ANOS1: variants seen among roughly 807,000 people sequenced by gnomAD.
ANOS1 encodes the protein anosmin 1, also known as anosmin-1.
Under a neutral mutation model 59.0 loss-of-function variants are expected in ANOS1, and 6 were observed. The ratio of observed to expected loss-of-function variants is 0.10; its 90% CI spans 0.06 to 0.20. The LOEUF (loss-of-function observed/expected upper bound fraction) is 0.20. Among genes scored for constraint, ANOS1 ranks in the 10% least tolerant of loss-of-function variants. ANOS1 has a pLI of 1.00. For missense variants in ANOS1, 433 were observed against 542.3 expected, an observed-to-expected ratio of 0.80 and a Z score of 2.00; for synonymous variants, 217 against 223.4, an observed-to-expected ratio of 0.97 and a Z score of 0.25.
intron 2 of ANOS1, among the ~76,000 whole-genome samples, chrX:8,652,326 A>AT (rs1452195207): frequency 9.0e-6 from 1 of 111,590 alleles, no homozygotes; most frequent in Non-Finnish European, 1.9e-5. Context: ...ACACATATTC[A>AT]TAAGAAATAG....
intron 6 of ANOS1, among the ~76,000 whole-genome samples, chrX:8,573,564 T>C (rs144793440): frequency 2.1e-4 from 24 of 111,960 alleles, no homozygotes; most frequent in African/African-American, 6.8e-4. Flanking sequence ...AACTTTCAAA[T>C]TGATATCTTT....
At chrX:8,666,689 C>T (rs956202940) in intron 2 of ANOS1, among the ~76,000 whole-genome samples, 1 of 112,393 alleles carries the variant, frequency 8.9e-6, no homozygotes, top group African/African-American at 3.2e-5. Flanking sequence ...ACATTCCCCA[C>T]ATGCCCAAGA....
chrX:8,592,020 G>A (rs1305934346), intron 4 of ANOS1, among the ~76,000 whole-genome samples: 1 of 112,187 alleles, frequency 8.9e-6, no homozygotes, highest in East Asian at 2.8e-4. Context: ...ACATTCTGCT[G>A]AAATCAAAGG....
chrX:8,620,353 CAGACTGCCCTGCAGGTAAACATACCG>C (rs939266511), intron 3 of ANOS1, among the ~76,000 whole-genome samples: 2 of 111,950 alleles, frequency 1.8e-5, no homozygotes, highest in African/African-American at 6.5e-5. Flanking sequence ...CAAATAAGCT[CAGACTGCCCTGCAGGTAAACATACCG>C]GGCCGAACAT....
chrX:8,698,066 C>G lies in ANOS1; in HGVS notation c.255+1632G>C, dbSNP rs1285634295. Among the ~76,000 whole-genome samples, 10 of 112,020 alleles carry G rather than the reference C, an allele frequency of 8.9e-5. No individual in the cohort carries two copies. The Admixed American group carries it at 9.5e-4, about 11-fold the overall frequency. On this transcript the variant is annotated intron_variant, in intron 2 of 13. Coordinates refer to ENST00000262648, the MANE Select transcript of ANOS1 (RefSeq NM_000216.4). Reference sequence around the variant, plus strand: ...TAAGCAAGATTCATTCCCAAAGATTCCCAAGGATCCCAAGTTAAAGACAAC... The same window carrying G: ...TAAGCAAGATTCATTCCCAAAGATTGCCAAGGATCCCAAGTTAAAGACAAC...
Position 8,593,525 on chromosome X carries a change from T to C in ANOS1, c.541+3509A>G, listed in dbSNP as rs1284604543. ...TTCTCCATATAGCACACTCTGTATC[T>C]AGTTTTATACGCTTCAACTCTACAA... On this transcript the variant is annotated intron_variant, in intron 4 of 13. Coordinates refer to ENST00000262648, the MANE Select transcript of ANOS1 (RefSeq NM_000216.4). Among the ~76,000 whole-genome samples the C allele has an allele frequency of 2.7e-5, 3 of 112,499 alleles. No homozygotes were observed. The Admixed American group carries it at 2.8e-4, about 11-fold the overall frequency.
intron 3 of ANOS1, among the ~76,000 whole-genome samples, chrX:8,610,298 G>A (rs925781383): frequency 1.8e-5 from 2 of 111,340 alleles, no homozygotes; most frequent in African/African-American, 3.3e-5. Flanking sequence ...TCAGACATTG[G>A]ACAATAGGTA....
At chrX:8,638,764 AGAG>A (rs1931612245) in intron 2 of ANOS1, among the ~76,000 whole-genome samples, 1 of 112,107 alleles carries the variant, frequency 8.9e-6, no homozygotes. Flanking sequence ...GAGGCACTCC[AGAG>A]GTTTCTGCTG....
rs748426217 is a variant in ANOS1 at position 8,563,199 on chromosome X, TC to T, written c.1207+5032del. On this transcript the variant is annotated intron_variant, in intron 8 of 13. Transcript: ENST00000262648. ...ACTATGACTTCTTTTTTCTTACTTT[TC>T]TTTTATTCCTTTTCTAATCTATGTA... 4.1e-3 allele frequency among the ~76,000 whole-genome samples: 466 copies of T among 112,472 alleles called. 6 individuals carry two copies. Among genetic ancestry groups the T allele is most frequent in the African/African-American group, 0.014 (442 of 31,031 alleles).
At chrX:8,564,993 G>C (rs778022137) in intron 8 of ANOS1, among the ~76,000 whole-genome samples, 1 of 111,652 alleles carries the variant, frequency 9.0e-6, no homozygotes, top group Non-Finnish European at 1.9e-5. Flanking sequence ...GGGTTGTGTG[G>C]GGATGCCCCA....
intron 8 of ANOS1, among the ~76,000 whole-genome samples, chrX:8,558,420 T>C (rs1186684470): frequency 9.1e-6 from 1 of 110,445 alleles, no homozygotes; most frequent in Admixed American, 9.8e-5. Flanking sequence ...TAACCGCATG[T>C]TCTTTCATGT....
intron 4 of ANOS1, among the ~76,000 whole-genome samples, chrX:8,590,944 T>C (rs953769926): frequency 2.7e-5 from 3 of 111,969 alleles, no homozygotes; most frequent in East Asian, 5.6e-4. Flanking sequence ...CACATGTACA[T>C]TCACTCTGTT....
intron 1 of ANOS1, among the ~76,000 whole-genome samples, chrX:8,710,209 C>T (rs974764799): frequency 9.0e-6 from 1 of 111,592 alleles, no homozygotes; most frequent in Non-Finnish European, 1.9e-5. Flanking sequence ...GGATTACAAG[C>T]GTGAGCCACC....
chrX:8,587,886 T>G lies in ANOS1; in HGVS notation c.634A>C (p.Ile212Leu). The change falls in exon 5 of 14, where the codon ATT (isoleucine) becomes CTT (leucine). Residue 212 changes from isoleucine (I) to leucine (L), a missense_variant. Coordinates refer to ENST00000262648, the MANE Select transcript of ANOS1 (RefSeq NM_000216.4). ...TGTACCACATAGATCACAGGCTCAA[T>G]AGAAATATTGAATTTCGAGGACCAC... ...VKWSSKFNISIEPVIYVVQRR... is the reference protein window; with the variant it reads ...VKWSSKFNISLEPVIYVVQRR... The G allele has an allele frequency of 1.7e-6, 2 of 1,207,297 alleles. No individual in the cohort carries two copies. The highest frequency in any genetic ancestry group is 2.2e-6 in the Non-Finnish European group (2 of 892,162).
Position 8,534,456 on chromosome X carries a change from T to A in ANOS1, c.1847A>T (p.His616Leu). The change falls in exon 13 of 14, where the codon CAT becomes CTT. Residue 616 changes from histidine (H) to leucine (L), a missense_variant. Transcript: ENST00000262648. ...ISQSQILPSD[H>L]YVLTVPNLRP... is the part of the protein sequence containing the mutation. ...CAGATTGGGCACTGTTAGGACATAA[T>A]GATCCTAAGGGGACAACATAAAAGA... The A allele has an allele frequency of 8.3e-7, 1 of 1,209,607 alleles. No individual in the cohort carries two copies. The highest frequency in any genetic ancestry group is 1.1e-6 in the Non-Finnish European group (1 of 893,855).
At chrX:8,706,141 A>G (rs1467585035) in intron 1 of ANOS1, among the ~76,000 whole-genome samples, 1 of 112,596 alleles carries the variant, frequency 8.9e-6, no homozygotes, top group Non-Finnish European at 1.9e-5. Context: ...ACACACGGGA[A>G]GAATAAAGAT....
At chrX:8,603,070 C>G (rs1229929610) in intron 3 of ANOS1, among the ~76,000 whole-genome samples, 4 of 111,749 alleles carry the variant, frequency 3.6e-5, no homozygotes, top group African/African-American at 1.3e-4. Context: ...TCATTGGCTC[C>G]AATTTAAAAT....
intron 6 of ANOS1, among the ~76,000 whole-genome samples, chrX:8,576,491 TAC>T (rs769843705): frequency 0.02 from 1,897 of 93,076 alleles, 43 homozygotes; most frequent in African/African-American, 0.06. Context: ...CACACACACA[TAC>T]ACACACACAC....
At position 8,732,075 on chromosome X, in the gene ANOS1, G is replaced by A. The variant is rs1357048997; in HGVS notation, c.-39C>T. On this transcript the variant is annotated 5_prime_UTR_variant, in exon 1 of 14. Coordinates refer to ENST00000262648, the MANE Select transcript of ANOS1 (RefSeq NM_000216.4). ...GGGCGAGGGCGAGGGCGCCGGGCGC[G>A]GGCCGAGGCTCCCTGCTCCGCGCCG... 4 of 886,040 alleles carry A rather than the reference G, an allele frequency of 4.5e-6. No individual in the cohort carries two copies. The highest frequency in any genetic ancestry group is 9.8e-5 in the East Asian group (2 of 20,332). The allele number at this position is 886,040 out of a possible 1,213,427, so 73.0% of individuals were successfully genotyped here.
Sources: gnomAD v4.1 joint callset for allele counts (sites outside exome capture counted in the v4.1 genomes callset) on GRCh38, gnomAD v4.1.1 for gene constraint, MANE v1.5 for transcripts, NCBI Gene and HGNC (gene_info 2026-07-23, HGNC 2026-07-21) for gene names.